PGBD2: variants seen among roughly 807,000 people sequenced by gnomAD.
PGBD2 encodes the protein piggyBac transposable element derived 2, also known as piggyBac transposable element-derived protein 2.
PGBD2 carries 6 observed loss-of-function variants against 8.1 expected under a neutral mutation model. The ratio of observed to expected loss-of-function variants is 0.74; its 90% CI spans 0.40 to 1.46. The LOEUF (loss-of-function observed/expected upper bound fraction) is 1.46, where lower values mean the gene tolerates loss of function less well. Among genes scored for constraint, PGBD2 ranks in the 40% most tolerant of loss-of-function variants. The pLI, the probability that PGBD2 is intolerant of heterozygous loss-of-function variation, is 0.02. For synonymous variants in PGBD2, 318 were observed against 272.2 expected, an observed-to-expected ratio of 1.17 and a Z score of -1.66; for missense variants, 802 against 739.0, an observed-to-expected ratio of 1.09 and a Z score of -0.99.
At chr1:248,912,317 G>C (rs187346752) in intron 1 of PGBD2, among the ~76,000 whole-genome samples, 2 of 152,264 alleles carry the variant, frequency 1.3e-5, no homozygotes, top group Admixed American at 1.3e-4. Context: ...TTATTCAAGC[G>C]TGACTGTCTA....
chr1:248,907,528 A>AT (rs1464537352), intron 1 of PGBD2, among the ~76,000 whole-genome samples: 8 of 152,034 alleles, frequency 5.3e-5, no homozygotes, highest in Admixed American at 1.3e-4. Context: ...ACGAGGCTGT[A>AT]TTTCAGACTA....
At chr1:248,902,173 G>A (rs888427411), upstream of PGBD2, among the ~76,000 whole-genome samples, 1 of 151,810 alleles carries the variant, frequency 6.6e-6, no homozygotes, top group Non-Finnish European at 1.5e-5. Flanking sequence ...GGAGGCTGAG[G>A]CAGGAGAATT....
At chr1:248,905,942 T>G (rs1030291734), upstream of PGBD2, among the ~76,000 whole-genome samples, 1 of 152,064 alleles carries the variant, frequency 6.6e-6, no homozygotes, top group African/African-American at 2.4e-5. Flanking sequence ...GCTGTTAGAT[T>G]GGGGGCACAT....
In PGBD2 at chr1:248,909,025, A is replaced by G. The variant is rs61838535; in HGVS notation, c.-48+2683A>G. ...GTCATAGTTACAATTTTATGCATAT[A>G]TACCTGGCACCCAGTAGATACTTCA... On this transcript the variant is annotated intron_variant, in intron 1 of 2. Transcript: ENST00000329291. 4.2e-3 allele frequency among the ~76,000 whole-genome samples: 636 copies of G among 152,324 alleles called. 1 individual carries two copies. The highest frequency in any genetic ancestry group is 4.0e-3 in the Non-Finnish European group (269 of 68,036).
chr1:248,904,278 AT>A (rs780939304), upstream of PGBD2, among the ~76,000 whole-genome samples: 6,831 of 146,816 alleles, frequency 0.047, 337 homozygotes, highest in African/African-American at 0.13. Flanking sequence ...AACGGGCTAA[AT>A]TTTTTTTTTT....
the PGBD2 span, among the ~76,000 whole-genome samples, chr1:248,925,440 A>G: frequency 6.6e-6 from 1 of 152,212 alleles, no homozygotes; most frequent in Non-Finnish European, 1.5e-5. Context: ...CAAACCACAG[A>G]AACAGACTCC....
chr1:248,924,191 C>T (rs912310202), downstream of PGBD2, among the ~76,000 whole-genome samples: 5 of 152,218 alleles, frequency 3.3e-5, no homozygotes, highest in African/African-American at 1.2e-4. Context: ...ATCCATCTCC[C>T]AGGTCTTGCT....
In PGBD2 at chr1:248,917,591, A is replaced by G. The variant is rs778734133; in HGVS notation, c.1007A>G (p.Asp336Gly). The G allele has an allele frequency of 5.6e-6, 9 of 1,614,090 alleles. No individual in the cohort carries two copies. The highest frequency in any genetic ancestry group is 7.6e-6 in the Non-Finnish European group (9 of 1,180,022). ...LGGSMVIKFV[D>G]ALQERGFLPY... is the part of the protein sequence containing the mutation. ...GGCAGTATGGTAATAAAATTTGTGG[A>G]TGCGCTTCAGGAGCGTGGTTTTCTG... The change falls in exon 3 of 3, where the codon GAT (aspartate) becomes GGT (glycine). Residue 336 changes from aspartate (D) to glycine (G), a missense_variant. Asp to Gly is a moderately conservative substitution (Grantham distance 94, BLOSUM62 -1). Transcript: ENST00000329291.
intron 2 of PGBD2, among the ~76,000 whole-genome samples, chr1:248,914,761 T>C (rs1193719976): frequency 6.6e-6 from 1 of 152,164 alleles, no homozygotes; most frequent in African/African-American, 2.4e-5. Flanking sequence ...TGTTCCATGG[T>C]TCACCCCCAC....
Position 248,916,735 on chromosome 1 carries a change from G to A in PGBD2, c.151G>A (p.Ala51Thr). 3 of 1,614,192 alleles carry A rather than the reference G, an allele frequency of 1.9e-6. No individual in the cohort carries two copies. The highest frequency in any genetic ancestry group is 2.5e-6 in the Non-Finnish European group (3 of 1,180,038). ...EIFIAPPDNA[A>T]GEFTDEDSGD... ...TTTCATTGCACCTCCCGACAATGCTGCGGGGGAATTCACTGATGAGGACTC... is the reference window on the plus strand; with the variant it reads ...TTTCATTGCACCTCCCGACAATGCTACGGGGGAATTCACTGATGAGGACTC... Residue 51 changes from alanine (A) to threonine (T), a missense_variant, in exon 3 of 3, where the codon GCG becomes ACG. Physicochemically the swap from Ala to Thr is moderately conservative, Grantham distance 58. Transcript: ENST00000329291.
chr1:248,874,697 A>G, the PGBD2 span, among the ~76,000 whole-genome samples: 5,884 of 152,190 alleles, frequency 0.039, 377 homozygotes, highest in African/African-American at 0.13. Context: ...CTCCTTAACG[A>G]CGCTTGAGTA....
At chr1:248,891,691 AC>A in the PGBD2 span, among the ~76,000 whole-genome samples, 4 of 152,156 alleles carry the variant, frequency 2.6e-5, no homozygotes, top group African/African-American at 9.7e-5. Context: ...TCAGCCAGGC[AC>A]AGATGCCTGT....
chr1:248,878,073 G>A, the PGBD2 span, among the ~76,000 whole-genome samples: 2 of 152,284 alleles, frequency 1.3e-5, no homozygotes, highest in East Asian at 1.9e-4. Flanking sequence ...CTCTAGTCCA[G>A]TAAGTATTTC....
At chr1:248,914,847 C>T (rs924529899) in intron 2 of PGBD2, among the ~76,000 whole-genome samples, 2 of 152,210 alleles carry the variant, frequency 1.3e-5, no homozygotes, top group African/African-American at 4.8e-5. Context: ...GCCTGGTTCT[C>T]TCTGGCTCTG....
the PGBD2 span, among the ~76,000 whole-genome samples, chr1:248,927,900 A>T: frequency 6.6e-6 from 1 of 152,242 alleles, no homozygotes; most frequent in African/African-American, 2.4e-5. Context: ...AGAAAGGGAT[A>T]ACTTCATGAA....
In PGBD2 at chr1:248,918,159, G is replaced by A. The variant is rs1218371955; in HGVS notation, c.1575G>A (p.Leu525=). The change falls in exon 3 of 3, where the codon CTG becomes CTA. Residue 525 remains leucine, a synonymous_variant. Transcript: ENST00000329291. The part of the protein sequence containing the change: ...AFRRYIACVY[L]ESNADTTSQG... Reference sequence around the variant, plus strand: ...GGAGATACATTGCCTGTGTGTATCTGGAGAGCAATGCTGACACAACATCTC... The same window carrying A: ...GGAGATACATTGCCTGTGTGTATCTAGAGAGCAATGCTGACACAACATCTC... 1.9e-6 allele frequency: 3 copies of A among 1,614,112 alleles called. No individual in the cohort carries two copies. Among genetic ancestry groups the A allele is most frequent in the African/African-American group, 1.3e-5 (1 of 74,938 alleles).
chr1:248,913,708 G>A (rs45564532), intron 1 of PGBD2, 108 bp from the exon 2 acceptor site: 15,009 of 697,940 alleles, frequency 0.022, 937 homozygotes, highest in African/African-American at 0.18. Context: ...CTATTAAGGT[G>A]GTGAATCTTA....
the PGBD2 span, among the ~76,000 whole-genome samples, chr1:248,875,303 C>CA: frequency 6.9e-4 from 26 of 37,924 alleles, no homozygotes; most frequent in South Asian, 0.015. Context: ...CTCAAAAAAA[C>CA]AAAACAAAAA....
rs201107413 is a variant in PGBD2 at position 248,918,380 on chromosome 1, T to G, written c.*17T>G. The G allele has an allele frequency of 1.7e-4, 257 of 1,522,958 alleles. No homozygotes were observed. Among genetic ancestry groups the G allele is most frequent in the Middle Eastern group, 1.8e-4 (1 of 5,636 alleles). 94.3% of individuals were successfully genotyped at this position (1,522,958 alleles called of 1,614,324 possible). A position where few individuals can be genotyped will look rare whatever the true frequency, so the allele number is the denominator to read the frequency against. ...ATCCGGTGACATCATGAGACATGCT[T>G]CTTTGGTTTATAATGAGATGTTTAC... is the stretch of plus-strand genomic sequence containing the variant. On this transcript the variant is annotated 3_prime_UTR_variant, in exon 3 of 3. Coordinates refer to ENST00000329291, the MANE Select transcript of PGBD2 (RefSeq NM_170725.3).
Sources: allele counts gnomAD v4.1 joint callset (sites outside exome capture counted in the v4.1 genomes callset), GRCh38; gene constraint gnomAD v4.1.1; transcripts MANE v1.5; gene names NCBI Gene and HGNC (gene_info 2026-07-23, HGNC 2026-07-21).